SNX19: variants seen among roughly 807,000 people sequenced by gnomAD.
SNX19 encodes sorting nexin-19.
In SNX19, 60 loss-of-function variants were observed where a neutral mutation model predicts 85.2. The observed-to-expected ratio is 0.70, with a 90% CI of 0.57 to 0.87. The LOEUF is 0.87. Ranked by LOEUF, SNX19 falls within the 40% of genes least tolerant of loss-of-function variation. The pLI, the probability that SNX19 is intolerant of heterozygous loss-of-function variation, is 0.00. For missense variants in SNX19, 1,201 were observed against 1,217.8 expected (o/e 0.99, Z 0.21); for synonymous variants, 520 against 470.0 (o/e 1.11, Z -1.38).
chr11:130,886,617 A>C (rs1193570877), intron 8 of SNX19, among the ~76,000 whole-genome samples: 2 of 152,164 alleles, frequency 1.3e-5, no homozygotes, highest in Non-Finnish European at 2.9e-5. Flanking sequence ...TGGCTCATCC[A>C]ATCAGTAGCA....
chr11:130,897,925 A>T (rs955808357), intron 8 of SNX19, among the ~76,000 whole-genome samples: 5 of 152,054 alleles, frequency 3.3e-5, no homozygotes, highest in Admixed American at 3.3e-4. Flanking sequence ...CTTGTTACAT[A>T]ATTGGATGTT....
At chr11:130,896,599 T>C (rs570321400) in intron 8 of SNX19, among the ~76,000 whole-genome samples, 6 of 152,304 alleles carry the variant, frequency 3.9e-5, no homozygotes, top group African/African-American at 1.4e-4. Flanking sequence ...ACATGAGCTC[T>C]GAGGCCAGGA....
At chr11:130,888,392 A>T (rs1205315001) in intron 8 of SNX19, among the ~76,000 whole-genome samples, 1 of 152,194 alleles carries the variant, frequency 6.6e-6, no homozygotes, top group Non-Finnish European at 1.5e-5. Flanking sequence ...GATATTATTT[A>T]ATACCCTTGG....
chr11:130,914,217 C>A, intron 1 of SNX19, 49 bp downstream of exon 1: 1 of 1,486,402 alleles, frequency 6.7e-7, no homozygotes, highest in South Asian at 1.4e-5. Flanking sequence ...GACTGCTTTC[C>A]AAACCCACTC....
chr11:130,902,619 A>G (rs1388629902), intron 8 of SNX19, among the ~76,000 whole-genome samples: 1 of 152,206 alleles, frequency 6.6e-6, no homozygotes, highest in Non-Finnish European at 1.5e-5. Flanking sequence ...CTTCAGGTTA[A>G]CAAAGCTTAC....
chr11:130,911,595 G>T, intron 2 of SNX19, 38 bp downstream of exon 2: 2 of 1,612,688 alleles, frequency 1.2e-6, no homozygotes, highest in Non-Finnish European at 1.7e-6. Context: ...CTCGACGTGG[G>T]AAGCAAGCGG....
chr11:130,906,005 A>C lies in SNX19; in HGVS notation c.2391T>G (p.Ser797Arg). 1 of 1,614,198 alleles carries C rather than the reference A, an allele frequency of 6.2e-7. No homozygotes were observed. The change falls in exon 7 of 11, where the codon AGT (serine) becomes AGG (arginine). Residue 797 changes from serine (S) to arginine (R), a missense_variant. By Grantham distance (110) the Ser-to-Arg change is moderately radical. Around this residue, in one of 3 missense-constraint regions of SNX19, gnomAD observed 285 missense variants for 295.3 expected, o/e 0.97. Transcript: ENST00000265909. ...CTGGCACGGCTGCATCTGACACGCA[A>C]CTGTCCACACGTCCTTTGGGAGGTT... Reference protein sequence around the residue: ...PEQPPKGRVDSCVSDAAVPAQ... With the variant: ...PEQPPKGRVDRCVSDAAVPAQ...
chr11:130,915,440 T>C lies in SNX19; in HGVS notation c.500A>G (p.Gln167Arg). 1 of 1,614,046 alleles carries C rather than the reference T, an allele frequency of 6.2e-7. No homozygotes were observed. Among genetic ancestry groups the C allele is most frequent in the Non-Finnish European group, 8.5e-7 (1 of 1,180,034 alleles). The change falls in exon 1 of 11, where the codon CAG becomes CGG. Residue 167 changes from glutamine to arginine, a missense_variant. Physicochemically the swap from Gln to Arg is conservative, Grantham distance 43 (BLOSUM62 1). Coordinates refer to ENST00000265909, the MANE Select transcript of SNX19 (RefSeq NM_014758.3). ...GGCCTCCTTTGCCTGAATGTAGCTCTGCAGGTGACAACCGCAGAGAGTCAG... is the reference window on the plus strand; with the variant it reads ...GGCCTCCTTTGCCTGAATGTAGCTCCGCAGGTGACAACCGCAGAGAGTCAG... ...SVLTLCGCHL[Q>R]SYIQAKEATA...
intron 8 of SNX19, chr11:130,894,845 G>A: frequency 1.0e-6 from 1 of 985,380 alleles, no homozygotes; most frequent in African/African-American, 1.7e-5. Context: ...AGATCTAGCT[G>A]TTATACCTTC....
chr11:130,888,644 C>T (rs1944268429), intron 8 of SNX19, among the ~76,000 whole-genome samples: 1 of 152,124 alleles, frequency 6.6e-6, no homozygotes, highest in Admixed American at 6.6e-5. Context: ...CAGAAATTTC[C>T]AGAAATAAAT....
chr11:130,877,409 C>T lies in SNX19; in HGVS notation c.*1013G>A, dbSNP rs1246555538. 1.3e-5 allele frequency: 2 copies of T among 152,152 alleles called. No homozygotes were observed. Among genetic ancestry groups the T allele is most frequent in the Non-Finnish European group, 2.9e-5 (2 of 68,026 alleles). The allele number at this position is 152,152 out of a possible 1,614,324, so 9.4% of individuals were successfully genotyped here. The stretch of plus-strand genomic sequence containing the variant: ...AGGAATGGGAAATAAGAAGCTATTC[C>T]TTGTAAGTTTGCTAATCTTATCTGT... On this transcript the variant is annotated 3_prime_UTR_variant, in exon 11 of 11. Coordinates refer to ENST00000265909, the MANE Select transcript of SNX19 (RefSeq NM_014758.3).
chr11:130,899,632 G>T (rs1287160459), intron 8 of SNX19, among the ~76,000 whole-genome samples: 1 of 152,120 alleles, frequency 6.6e-6, no homozygotes, highest in Non-Finnish European at 1.5e-5. Context: ...AACCAAATGG[G>T]CTAAGGATAA....
chr11:130,888,104 AAAAAAAAAATCGT>A (rs2135311534), intron 8 of SNX19, among the ~76,000 whole-genome samples: 1 of 152,240 alleles, frequency 6.6e-6, no homozygotes, highest in African/African-American at 2.4e-5. Flanking sequence ...CATTACAAAA[AAAAAAAAAATCGT>A]GTGCCCCTCT....
At chr11:130,906,894 T>C (rs947091555) in intron 5 of SNX19, among the ~76,000 whole-genome samples, 173 bp from the exon 6 acceptor site, 1 of 152,182 alleles carries the variant, frequency 6.6e-6, no homozygotes, top group African/African-American at 2.4e-5. Flanking sequence ...CCCCAAACAA[T>C]GTATATTCTG....
intron 8 of SNX19, among the ~76,000 whole-genome samples, chr11:130,884,475 G>C (rs1206104889): frequency 6.6e-6 from 1 of 152,154 alleles, no homozygotes; most frequent in African/African-American, 2.4e-5. Flanking sequence ...TCCAGCATCA[G>C]TTTCTGGACT....
chr11:130,892,697 A>C (rs1388425980), intron 8 of SNX19: 1 of 152,244 alleles, frequency 6.6e-6, no homozygotes, highest in Non-Finnish European at 1.5e-5. Flanking sequence ...GTTTTGGATA[A>C]TATGAAAACT....
In SNX19 at chr11:130,915,757, C is replaced by T. The variant is rs1946531139; in HGVS notation, c.183G>A (p.Leu61=). 3 of 1,614,244 alleles carry T rather than the reference C, an allele frequency of 1.9e-6. No individual in the cohort carries two copies. Among genetic ancestry groups the T allele is most frequent in the East Asian group, 4.5e-5 (2 of 44,878 alleles). Residue 61 remains leucine (L), a synonymous_variant, in exon 1 of 11, where the codon CTG becomes CTA. Coordinates refer to ENST00000265909, the MANE Select transcript of SNX19 (RefSeq NM_014758.3). ...LCLLSALLVV[L]GGWLGSSLAG... is the part of the protein sequence containing the mutation. Reference sequence around the variant, plus strand: ...CGAGGCTGGAGCCCAGCCATCCTCCCAGCACCACTAGCAATGCCGACAGAA... The same window carrying T: ...CGAGGCTGGAGCCCAGCCATCCTCCTAGCACCACTAGCAATGCCGACAGAA...
At chr11:130,903,174 T>G (rs777621159) in intron 8 of SNX19, 81 bp downstream of exon 8, 23 of 1,576,096 alleles carry the variant, frequency 1.5e-5, no homozygotes, top group Non-Finnish European at 2.0e-5. Flanking sequence ...CGGCTGCAGA[T>G]TCCCTGGACA....
chr11:130,882,395 A>G (rs1943743608), intron 8 of SNX19, among the ~76,000 whole-genome samples: 1 of 152,066 alleles, frequency 6.6e-6, no homozygotes, highest in Non-Finnish European at 1.5e-5. Context: ...ACTTTATTTA[A>G]CCTCCACTCT....
Sources: allele counts gnomAD v4.1 joint callset (sites outside exome capture counted in the v4.1 genomes callset), GRCh38; gene constraint gnomAD v4.1.1; regional missense constraint gnomAD v4.1.1; transcripts MANE v1.5; gene names NCBI Gene and HGNC (gene_info 2026-07-23, HGNC 2026-07-21).